Variants in SERINC1 observed in about 807,000 individuals in gnomAD.
The protein encoded by SERINC1 is tumor differentially expressed protein 2.
In SERINC1, 38 loss-of-function variants were observed where a neutral mutation model predicts 52.9. That is an observed-to-expected ratio of 0.72 (90% CI 0.55 to 0.94). The LOEUF (loss-of-function observed/expected upper bound fraction) is 0.94, where lower values mean the gene tolerates loss of function less well. Among genes scored for constraint, SERINC1 ranks in the 40% least tolerant of loss-of-function variants. The probability of loss-of-function intolerance (pLI) is 0.00; values close to 1 mark genes in which losing one functional copy is unlikely to be tolerated. For synonymous variants in SERINC1, 198 were observed against 183.1 expected (o/e 1.08, Z -0.66); for missense variants, 471 against 533.9 (o/e 0.88, Z 1.16).
intron 3 of SERINC1, among the ~76,000 whole-genome samples, chr6:122,455,602 T>G (rs1441797333): frequency 1.3e-5 from 2 of 152,114 alleles, no homozygotes; most frequent in African/African-American, 4.8e-5. Flanking sequence ...AACTCCCCTT[T>G]ATATATATCT....
At chr6:122,467,365 G>A (rs563207446) in intron 1 of SERINC1, among the ~76,000 whole-genome samples, 1 of 152,264 alleles carries the variant, frequency 6.6e-6, no homozygotes, top group East Asian at 1.9e-4. Context: ...AGCACTTCGG[G>A]AGGCCAAGGC....
intron 1 of SERINC1, among the ~76,000 whole-genome samples, chr6:122,462,149 GA>G (rs1446136719): frequency 6.6e-6 from 1 of 152,100 alleles, no homozygotes; most frequent in African/African-American, 2.4e-5. Context: ...AATAGATACA[GA>G]AAAACCATTT....
intron 1 of SERINC1, among the ~76,000 whole-genome samples, chr6:122,467,634 C>CA (rs774537345): frequency 4.6e-5 from 7 of 151,994 alleles, no homozygotes; most frequent in Non-Finnish European, 1.0e-4. Context: ...AACCAATGAA[C>CA]AAAAAATGTT....
rs796530318 is a variant in SERINC1, at chr6:122,470,588, C to T, written c.39+1111G>A. Among the ~76,000 whole-genome samples, 62 of 152,258 alleles carry T rather than the reference C, an allele frequency of 4.1e-4. 1 individual carries two copies. The highest frequency in any genetic ancestry group is 1.3e-3 in the African/African-American group (54 of 41,554). ...ATATCTTGAGATAAAATATTCCAGG[C>T]TTCCGTGCAAGAAGAAATACCATAT... On this transcript the variant is annotated intron_variant, in intron 1 of 9. Coordinates refer to ENST00000339697, the MANE Select transcript of SERINC1 (RefSeq NM_020755.4).
intron 1 of SERINC1, among the ~76,000 whole-genome samples, chr6:122,469,807 C>T (rs1372536507): frequency 2.6e-5 from 4 of 152,120 alleles, no homozygotes; most frequent in African/African-American, 7.2e-5. Flanking sequence ...ATCCATCCAC[C>T]TCATCCTCCC....
At chr6:122,450,239 A>G (rs1663894772) in intron 7 of SERINC1, among the ~76,000 whole-genome samples, 1 of 152,194 alleles carries the variant, frequency 6.6e-6, no homozygotes. Flanking sequence ...TTACCATTCC[A>G]AAAATCCTAG....
chr6:122,461,237 C>T (rs532204243), intron 1 of SERINC1, among the ~76,000 whole-genome samples: 72 of 152,104 alleles, frequency 4.7e-4, no homozygotes, highest in Middle Eastern at 6.8e-3. Flanking sequence ...ATGAAAACCA[C>T]ACCAAGTCAC....
chr6:122,460,209 AT>A (rs1775077055), intron 1 of SERINC1, among the ~76,000 whole-genome samples: 1 of 152,142 alleles, frequency 6.6e-6, no homozygotes, highest in Non-Finnish European at 1.5e-5. Flanking sequence ...AGTAGCTGGG[AT>A]TGCAGGCGTG....
At chr6:122,460,217 C>A (rs772966681) in intron 1 of SERINC1, among the ~76,000 whole-genome samples, 3 of 152,166 alleles carry the variant, frequency 2.0e-5, no homozygotes, top group Admixed American at 2.0e-4. Flanking sequence ...GGATTGCAGG[C>A]GTGCACCACC....
intron 1 of SERINC1, among the ~76,000 whole-genome samples, chr6:122,461,459 GA>G (rs753350817): frequency 1.4e-5 from 2 of 145,516 alleles, no homozygotes; most frequent in South Asian, 4.6e-4. Context: ...ATTGAACAGT[GA>G]GATCACATGG....
intron 5 of SERINC1, 123 bp downstream of exon 5, chr6:122,453,647 A>T: frequency 2.7e-6 from 2 of 733,108 alleles, no homozygotes; most frequent in Non-Finnish European, 4.1e-6. Context: ...CACAAAGTTT[A>T]AATTAAAAAC....
chr6:122,471,536 G>T (rs535550023), intron 1 of SERINC1, among the ~76,000 whole-genome samples, 163 bp downstream of exon 1: 3 of 152,338 alleles, frequency 2.0e-5, no homozygotes, highest in Non-Finnish European at 2.9e-5. Context: ...CTCTGAAGCT[G>T]AGTCTGAGTG....
chr6:122,451,873 C>A lies in SERINC1; in HGVS notation c.759+15G>T, dbSNP rs1774914194. The A allele has an allele frequency of 1.4e-6, 2 of 1,480,568 alleles. No homozygotes were observed. Among genetic ancestry groups the A allele is most frequent in the South Asian group, 1.4e-5 (1 of 69,292 alleles). The allele number at this position is 1,480,568 out of a possible 1,614,324, so 91.7% of individuals were successfully genotyped here. On this transcript the variant is annotated intron_variant, in intron 6 of 9. Coordinates refer to ENST00000339697, the MANE Select transcript of SERINC1 (RefSeq NM_020755.4). Reference sequence around the variant, plus strand: ...GGTATAAGCTTCATAAAAACTAATGCTTTAAAGGGCATACTTGGATTTTTG... The same window carrying A: ...GGTATAAGCTTCATAAAAACTAATGATTTAAAGGGCATACTTGGATTTTTG...
chr6:122,453,415 A>C (rs1162183364), intron 5 of SERINC1, among the ~76,000 whole-genome samples: 2 of 152,130 alleles, frequency 1.3e-5, no homozygotes, highest in African/African-American at 4.8e-5. Context: ...GTGTTTATCT[A>C]TTCCTAGCAA....
rs745408354 is a variant in SERINC1, at chr6:122,458,615, T to G, written c.106A>C (p.Thr36Pro). 3 of 1,612,636 alleles carry G rather than the reference T, an allele frequency of 1.9e-6. No individual in the cohort carries two copies. In the Admixed American group the frequency reaches 5.0e-5, roughly 27 times the overall value. The change falls in exon 2 of 10, where the codon ACT becomes CCT. Residue 36 changes from threonine to proline, a missense_variant. By Grantham distance (38) the Thr-to-Pro change is conservative. Transcript: ENST00000339697. ...CRCCPSGNNS[T>P]VTRLIYALFL... ...AGTGCATAGATCAATCTAGTTACAG[T>G]GGAGTTGTTTCCACTAGGACAGCAT...
chr6:122,446,279 T>A (rs1774799090), intron 9 of SERINC1, among the ~76,000 whole-genome samples: 1 of 152,118 alleles, frequency 6.6e-6, no homozygotes, highest in Non-Finnish European at 1.5e-5. Context: ...TTGTAAGAAT[T>A]CTAAGCTTGT....
At chr6:122,462,892 A>G (rs771779172) in intron 1 of SERINC1, among the ~76,000 whole-genome samples, 1 of 152,246 alleles carries the variant, frequency 6.6e-6, no homozygotes, top group African/African-American at 2.4e-5. Context: ...TTTTCAAGAT[A>G]TCAGGTCTTT....
At chr6:122,458,825 G>T in intron 1 of SERINC1, 144 bp from the exon 2 acceptor site, 2 of 571,808 alleles carry the variant, frequency 3.5e-6, no homozygotes, top group Non-Finnish European at 2.9e-6. Context: ...ACGGTATTTG[G>T]TTCATATAAA....
In SERINC1 at chr6:122,444,616, ATTTTAAAATAAACCATGT is replaced by A. The variant is rs1774732055; in HGVS notation, c.*410_*427del. On this transcript the variant is annotated 3_prime_UTR_variant, in exon 10 of 10. Coordinates refer to ENST00000339697, the MANE Select transcript of SERINC1 (RefSeq NM_020755.4). ...TGGCATTTAAGTGACTTGTTTATAA[ATTTTAAAATAAACCATGT>A]TCTTTGCAGTATCCTGCCAGGCAAC... 6.4e-6 allele frequency: 1 copy of A among 155,374 alleles called. No individual in the cohort carries two copies. Among genetic ancestry groups the A allele is most frequent in the South Asian group, 2.0e-4 (1 of 5,092 alleles). The allele number at this position is 155,374 out of a possible 1,614,324, so 9.6% of individuals were successfully genotyped here. A position where few individuals can be genotyped will look rare whatever the true frequency, so the allele number is the denominator to read the frequency against.
Sources: gnomAD v4.1 joint callset for allele counts (sites outside exome capture counted in the v4.1 genomes callset) on GRCh38, gnomAD v4.1.1 for gene constraint, MANE v1.5 for transcripts, NCBI Gene and HGNC (gene_info 2026-07-23, HGNC 2026-07-21) for gene names.